Variants in PDE10A observed in about 807,000 individuals in gnomAD.
The protein encoded by PDE10A is phosphodiesterase 10A.
A neutral mutation model predicts 97.7 loss-of-function variants in PDE10A; 39 were observed. The ratio of observed to expected loss-of-function variants is 0.40; its 90% CI spans 0.31 to 0.52. The LOEUF (loss-of-function observed/expected upper bound fraction) is 0.52. Ranked by LOEUF, PDE10A falls within the 20% of genes least tolerant of loss-of-function variation. The pLI is 0.56. For missense variants in PDE10A, 731 were observed against 1,047.8 expected, an observed-to-expected ratio of 0.70 and a Z score of 4.17; for synonymous variants, 371 against 376.8, an observed-to-expected ratio of 0.98 and a Z score of 0.18.
chr6:165,900,757 C>T (rs1314249421), intron 1 of PDE10A, among the ~76,000 whole-genome samples: 3 of 152,182 alleles, frequency 2.0e-5, no homozygotes, highest in African/African-American at 7.2e-5. Flanking sequence ...CAGCTCGAGG[C>T]CAAATTCAAT....
upstream of PDE10A, among the ~76,000 whole-genome samples, chr6:165,665,793 G>A (rs1790484491): frequency 6.6e-6 from 1 of 152,076 alleles, no homozygotes; most frequent in South Asian, 2.1e-4. Flanking sequence ...ACTTGTCTGT[G>A]CCTTTTACCA....
chr6:165,943,953 C>T (rs300107), intron 1 of PDE10A, among the ~76,000 whole-genome samples: 40,136 of 152,072 alleles, frequency 0.26, 5,893 homozygotes, highest in East Asian at 0.38. Flanking sequence ...TTAGTCTGTT[C>T]TCACACTGCT....
chr6:165,755,397 T>G (rs1364235816), intron 1 of PDE10A, among the ~76,000 whole-genome samples: 1 of 152,208 alleles, frequency 6.6e-6, no homozygotes, highest in African/African-American at 2.4e-5. Context: ...ACAGTTGCCC[T>G]GGGGAAATGT....
intron 1 of PDE10A, among the ~76,000 whole-genome samples, chr6:165,805,483 G>A (rs1779109614): frequency 6.6e-6 from 1 of 152,156 alleles, no homozygotes; most frequent in Non-Finnish European, 1.5e-5. Context: ...TCTCCCAGCC[G>A]CGCCACGGGC....
chr6:165,486,018 C>T (rs555911427), intron 2 of PDE10A, among the ~76,000 whole-genome samples: 40 of 152,246 alleles, frequency 2.6e-4, no homozygotes, highest in Admixed American at 4.6e-4. Flanking sequence ...GGCTGCAGTT[C>T]GAAAGGTGGC....
In PDE10A at chr6:165,339,317, C is replaced by G; in HGVS notation, c.2937G>C (p.Met979Ile). Residue 979 changes from methionine to isoleucine, a missense_variant, in exon 20 of 22, where the codon ATG becomes ATC. By Grantham distance (10) the Met-to-Ile change is conservative (BLOSUM62 1). Coordinates refer to ENST00000539869, the MANE Select transcript of PDE10A (RefSeq NM_001385079.1). ...CTTCATCCTTCTTGTCTCTGTCCAT[C>G]ATAGGAATAGGCTGTATTCCCAATT... ...MKKLGIQPIP[M>I]MDRDKKDEVP... 1 of 1,606,710 alleles carries G rather than the reference C, an allele frequency of 6.2e-7. No individual in the cohort carries two copies. The highest frequency in any genetic ancestry group is 8.5e-7 in the Non-Finnish European group (1 of 1,173,670).
intron 6 of PDE10A, among the ~76,000 whole-genome samples, chr6:165,434,039 G>C (rs12194306): frequency 1.3e-5 from 1 of 79,732 alleles, no homozygotes; most frequent in African/African-American, 4.6e-5. Flanking sequence ...AAAAAAAAAA[G>C]AAGTAGTACA....
intron 3 of PDE10A, among the ~76,000 whole-genome samples, chr6:165,454,830 A>G (rs1042550253): frequency 6.6e-6 from 1 of 152,190 alleles, no homozygotes; most frequent in Non-Finnish European, 1.5e-5. Context: ...TCATTTGTCT[A>G]AACAGAAAAG....
chr6:165,617,222 C>T (rs977579402), intron 1 of PDE10A, among the ~76,000 whole-genome samples: 2 of 152,142 alleles, frequency 1.3e-5, no homozygotes, highest in Non-Finnish European at 2.9e-5. Flanking sequence ...TCACCTGACC[C>T]ATCAGACAAG....
chr6:165,503,552 C>T (rs146645002), intron 2 of PDE10A, among the ~76,000 whole-genome samples: 8 of 152,210 alleles, frequency 5.3e-5, no homozygotes, highest in African/African-American at 1.4e-4. Context: ...AAACGTGGCA[C>T]GAGATTCAAT....
intron 1 of PDE10A, among the ~76,000 whole-genome samples, chr6:165,863,422 C>A (rs745864748): frequency 6.6e-6 from 1 of 152,166 alleles, no homozygotes; most frequent in African/African-American, 2.4e-5. Flanking sequence ...TAGAAAGAAG[C>A]ATTCAACCCC....
At chr6:165,811,524 G>A (rs1779282732) in intron 1 of PDE10A, among the ~76,000 whole-genome samples, 1 of 152,130 alleles carries the variant, frequency 6.6e-6, no homozygotes, top group Non-Finnish European at 1.5e-5. Flanking sequence ...TCCCTTCCCT[G>A]GTCCACTCAT....
chr6:165,680,514 C>G (rs1032440983), intron 1 of PDE10A, among the ~76,000 whole-genome samples: 1 of 152,218 alleles, frequency 6.6e-6, no homozygotes, highest in Non-Finnish European at 1.5e-5. Context: ...GAACTTGAGT[C>G]ATAATCCACA....
intron 1 of PDE10A, among the ~76,000 whole-genome samples, chr6:165,594,166 T>C (rs1219591433): frequency 6.6e-6 from 1 of 152,144 alleles, no homozygotes; most frequent in African/African-American, 2.4e-5. Context: ...AGTGCTCAGG[T>C]CTTGGCTACT....
chr6:165,612,717 G>T (rs1052950330), intron 1 of PDE10A, among the ~76,000 whole-genome samples: 1 of 152,108 alleles, frequency 6.6e-6, no homozygotes, highest in African/African-American at 2.4e-5. Flanking sequence ...TATACTTCAA[G>T]AAACAATACC....
chr6:165,833,871 T>G (rs959961272), intron 1 of PDE10A, among the ~76,000 whole-genome samples: 1 of 152,154 alleles, frequency 6.6e-6, no homozygotes, highest in Admixed American at 6.5e-5. Context: ...GTGGAGGAAA[T>G]GCCATCAGCC....
chr6:165,339,327 G>A lies in PDE10A; in HGVS notation c.2927C>T (p.Pro976Leu). 1 of 1,605,326 alleles carries A rather than the reference G, an allele frequency of 6.2e-7. No individual in the cohort carries two copies. Among genetic ancestry groups the A allele is most frequent in the Non-Finnish European group, 8.5e-7 (1 of 1,172,496 alleles). ...GDEMKKLGIQ[P>L]IPMMDRDKKD... ...CTTGTCTCTGTCCATCATAGGAATAGGCTGTATTCCCAATTTCTTCATTTC... is the reference window on the plus strand; with the variant it reads ...CTTGTCTCTGTCCATCATAGGAATAAGCTGTATTCCCAATTTCTTCATTTC... The change falls in exon 20 of 22, where the codon CCT becomes CTT. Residue 976 changes from proline to leucine, a missense_variant. Around this residue, in one of 8 missense-constraint regions of PDE10A, gnomAD observed 96 missense variants for 156.7 expected, o/e 0.61. Transcript: ENST00000539869.
chr6:165,831,371 CAA>C (rs760962725), intron 1 of PDE10A, among the ~76,000 whole-genome samples: 293 of 44,714 alleles, frequency 6.6e-3, no homozygotes, highest in African/African-American at 0.025. Flanking sequence ...GACTCTGTCT[CAA>C]AAAAAAAAAA....
intron 2 of PDE10A, among the ~76,000 whole-genome samples, chr6:165,506,209 C>T (rs1781182431): frequency 6.6e-6 from 1 of 152,122 alleles, no homozygotes; most frequent in African/African-American, 2.4e-5. Context: ...CACAGACATT[C>T]CTTTCTAGAC....
Sources: allele counts gnomAD v4.1 joint callset (sites outside exome capture counted in the v4.1 genomes callset), GRCh38; gene constraint gnomAD v4.1.1; regional missense constraint gnomAD v4.1.1; transcripts MANE v1.5; gene names NCBI Gene and HGNC (gene_info 2026-07-23, HGNC 2026-07-21).